HDDC2: variants seen among roughly 807,000 people sequenced by gnomAD.
HDDC2 encodes the protein 5'-deoxynucleotidase HDDC2.
Under a neutral mutation model 25.5 loss-of-function variants are expected in HDDC2, and 25 were observed. The ratio of observed to expected loss-of-function variants is 0.98; its 90% CI spans 0.72 to 1.37. The LOEUF is 1.37. Among genes scored for constraint, HDDC2 ranks in the 40% most tolerant of loss-of-function variants. The pLI, the probability that HDDC2 is intolerant of heterozygous loss-of-function variation, is 0.00. For synonymous variants in HDDC2, 106 were observed against 89.7 expected (o/e 1.18, Z -1.03); for missense variants, 264 against 253.1 (o/e 1.04, Z -0.29).
At chr6:125,284,575 A>C (rs1479162656) in intron 4 of HDDC2, among the ~76,000 whole-genome samples, 1 of 152,248 alleles carries the variant, frequency 6.6e-6, no homozygotes, top group Admixed American at 6.5e-5. Flanking sequence ...GCTCATTATC[A>C]CTGGTCATTA....
chr6:125,296,595 A>G lies in HDDC2; in HGVS notation c.309+2119T>C, dbSNP rs1390524929. Among the ~76,000 whole-genome samples the G allele has an allele frequency of 3.9e-5, 6 of 152,210 alleles. No individual in the cohort carries two copies. The East Asian group carries it at 1.2e-3, about 29-fold the overall frequency. ...CAGCAGCAGGAAGAGGCAATAGAAC[A>G]TCAGTGCTCTCCAAGCCTTTGGTTT... On this transcript the variant is annotated intron_variant, in intron 3 of 5. Coordinates refer to ENST00000398153, the MANE Select transcript of HDDC2 (RefSeq NM_016063.3).
At chr6:125,287,756 G>A (rs1156938050) in intron 4 of HDDC2, among the ~76,000 whole-genome samples, 1 of 152,162 alleles carries the variant, frequency 6.6e-6, no homozygotes, top group Non-Finnish European at 1.5e-5. Context: ...TAGGTTGAAG[G>A]AGGGGAACAT....
At chr6:125,276,993 A>G (rs1161969139) in intron 5 of HDDC2, 109 bp downstream of exon 5, 27 of 1,053,664 alleles carry the variant, frequency 2.6e-5, no homozygotes, top group Non-Finnish European at 3.6e-5. Context: ...GCTCCACATG[A>G]AAGGGTCAGA....
At chr6:125,296,731 G>C (rs893430644) in intron 3 of HDDC2, among the ~76,000 whole-genome samples, 1 of 152,192 alleles carries the variant, frequency 6.6e-6, no homozygotes, top group Non-Finnish European at 1.5e-5. Context: ...GGTTTAATGA[G>C]GCTGGAAAGG....
chr6:125,279,574 A>C (rs899773019), intron 4 of HDDC2, among the ~76,000 whole-genome samples: 2 of 152,262 alleles, frequency 1.3e-5, no homozygotes, highest in African/African-American at 2.4e-5. Flanking sequence ...TGCACATGTT[A>C]ATTAGCTTGC....
chr6:125,301,356 T>C (rs1187683279), intron 1 of HDDC2, among the ~76,000 whole-genome samples: 7 of 152,012 alleles, frequency 4.6e-5, no homozygotes, highest in Non-Finnish European at 1.0e-4. Context: ...GAAGTAACTG[T>C]GAGACAGACA....
chr6:125,297,494 A>T, intron 3 of HDDC2: 1 of 398,884 alleles, frequency 2.5e-6, no homozygotes, highest in South Asian at 1.3e-4. Flanking sequence ...TTTGAAGGGC[A>T]AAAATCCTGC....
chr6:125,288,609 A>C (rs1474081202), intron 4 of HDDC2, among the ~76,000 whole-genome samples: 1 of 152,112 alleles, frequency 6.6e-6, no homozygotes, highest in Non-Finnish European at 1.5e-5. Context: ...TCCAGAATCT[A>C]CAATGAACTC....
Position 125,300,624 on chromosome 6 carries a change from G to A in HDDC2, c.120C>T (p.Val40=), listed in dbSNP as rs1798783938. Residue 40 remains valine (V), a synonymous_variant, in exon 2 of 6, where the codon GTC becomes GTT. Coordinates refer to ENST00000398153, the MANE Select transcript of HDDC2 (RefSeq NM_016063.3). Reference sequence around the variant, plus strand: ...GATCTGAAACGCTCTCCGGCCTCTGGACATTTCTGTATACCCAGCCAGTTC... The same window carrying A: ...GATCTGAAACGCTCTCCGGCCTCTGAACATTTCTGTATACCCAGCCAGTTC... ...VPRTGWVYRN[V]QRPESVSDHM... is the part of the protein sequence containing the mutation. 1.2e-6 allele frequency: 2 copies of A among 1,613,992 alleles called. No individual in the cohort carries two copies. The highest frequency in any genetic ancestry group is 1.7e-6 in the Non-Finnish European group (2 of 1,179,992).
chr6:125,296,664 C>G (rs138288573), intron 3 of HDDC2, among the ~76,000 whole-genome samples: 29 of 152,306 alleles, frequency 1.9e-4, no homozygotes, highest in Non-Finnish European at 3.7e-4. Flanking sequence ...TCCCCATTGC[C>G]TTCTGCTTAT....
Position 125,276,001 on chromosome 6 carries a change from T to C in HDDC2, c.*145A>G. ...GTGGCTTCTTTTAGTGCCCAAGTTGTATCACATTTCTTGCTGAAGTTCAGA... is the reference window on the plus strand; with the variant it reads ...GTGGCTTCTTTTAGTGCCCAAGTTGCATCACATTTCTTGCTGAAGTTCAGA... On this transcript the variant is annotated 3_prime_UTR_variant, in exon 6 of 6. Coordinates refer to ENST00000398153, the MANE Select transcript of HDDC2 (RefSeq NM_016063.3). 1 of 651,402 alleles carries C rather than the reference T, an allele frequency of 1.5e-6. No individual in the cohort carries two copies. The highest frequency in any genetic ancestry group is 2.7e-6 in the Non-Finnish European group (1 of 370,112). The allele number at this position is 651,402 out of a possible 1,614,324, so 40.4% of individuals were successfully genotyped here.
rs138908559 is a variant in HDDC2 at position 125,301,052 on chromosome 6, G to GAGT, written c.85-396_85-394dup. On this transcript the variant is annotated intron_variant, in intron 1 of 5. Coordinates refer to ENST00000398153, the MANE Select transcript of HDDC2 (RefSeq NM_016063.3). Reference sequence around the variant, plus strand: ...TGTATTGAAGGGTCTGAACGTGAACGAGTGATAGGCTTCCAAATTCTGAGG... The same window carrying GAGT: ...TGTATTGAAGGGTCTGAACGTGAACGAGTAGTGATAGGCTTCCAAATTCTGAGG... Among the ~76,000 whole-genome samples, 577 of 152,198 alleles carry GAGT rather than the reference G, an allele frequency of 3.8e-3. 2 individuals are homozygous for GAGT. The highest frequency in any genetic ancestry group is 0.013 in the African/African-American group (542 of 41,546).
chr6:125,275,395 TG>T lies in HDDC2; in HGVS notation c.*750del, dbSNP rs1175178576. 1 of 152,220 alleles carries T rather than the reference TG, an allele frequency of 6.6e-6. No homozygotes were observed. The highest frequency in any genetic ancestry group is 1.5e-5 in the Non-Finnish European group (1 of 68,038). 9.4% of individuals were successfully genotyped at this position (152,220 alleles called of 1,614,324 possible). A position where few individuals can be genotyped will look rare whatever the true frequency, so the allele number is the denominator to read the frequency against. ...GGGAAAAGAGAGGAAGAAATCGGGT[TG>T]ATATATTCCCTACCTGAGGCTCAAT... On this transcript the variant is annotated 3_prime_UTR_variant, in exon 6 of 6. Coordinates refer to ENST00000398153, the MANE Select transcript of HDDC2 (RefSeq NM_016063.3).
intron 4 of HDDC2, among the ~76,000 whole-genome samples, chr6:125,282,166 T>C (rs1798468590): frequency 6.6e-6 from 1 of 151,998 alleles, no homozygotes; most frequent in Non-Finnish European, 1.5e-5. Flanking sequence ...GCCAACATGG[T>C]GAAACCCTGT....
Position 125,284,562 on chromosome 6 carries a change from AAAG to A in HDDC2, c.379-7325_379-7323del, listed in dbSNP as rs1798504421. Among the ~76,000 whole-genome samples the A allele has an allele frequency of 3.3e-5, 5 of 152,360 alleles. No individual in the cohort carries two copies. In the South Asian group the frequency reaches 1.0e-3, roughly 32 times the overall value. ...TATGTGACCAACAAACATATGAAAA[AAAG>A]CTCATTATCACTGGTCATTAGAGAA... On this transcript the variant is annotated intron_variant, in intron 4 of 5. Coordinates refer to ENST00000398153, the MANE Select transcript of HDDC2 (RefSeq NM_016063.3).
intron 3 of HDDC2, among the ~76,000 whole-genome samples, chr6:125,294,884 G>A (rs1798685479): frequency 1.3e-5 from 2 of 152,076 alleles, no homozygotes; most frequent in South Asian, 4.1e-4. Flanking sequence ...GCTTCTTTTT[G>A]TTCAAAATCA....
At chr6:125,284,556 T>C (rs1165812315) in intron 4 of HDDC2, among the ~76,000 whole-genome samples, 3 of 152,072 alleles carry the variant, frequency 2.0e-5, no homozygotes, top group Admixed American at 1.3e-4. Flanking sequence ...AACAAACATA[T>C]GAAAAAAAGC....
chr6:125,287,611 T>C (rs1798559384), intron 4 of HDDC2, among the ~76,000 whole-genome samples: 2 of 152,110 alleles, frequency 1.3e-5, no homozygotes, highest in African/African-American at 4.8e-5. Context: ...TTTACATGTC[T>C]GGGGCTTCGG....
chr6:125,296,127 A>T (rs77022802), intron 3 of HDDC2, among the ~76,000 whole-genome samples: 4,972 of 151,488 alleles, frequency 0.033, 98 homozygotes, highest in Non-Finnish European at 0.046. Flanking sequence ...AAAAAAAATT[A>T]AAAAAAAAGA....
Sources: gnomAD v4.1 joint callset for allele counts (sites outside exome capture counted in the v4.1 genomes callset) on GRCh38, gnomAD v4.1.1 for gene constraint, MANE v1.5 for transcripts, NCBI Gene and HGNC (gene_info 2026-07-23, HGNC 2026-07-21) for gene names.